The following SCFD2 variants were observed in gnomAD, a reference collection of about 807,000 sequenced individuals.
The protein encoded by SCFD2 is sec1 family domain-containing protein 2.
A neutral mutation model predicts 58.9 loss-of-function variants in SCFD2; 54 were observed. That is an observed-to-expected ratio of 0.92 (90% CI 0.74 to 1.15). The LOEUF (loss-of-function observed/expected upper bound fraction) is 1.15. SCFD2 is among the 50% of genes most tolerant of loss of function. SCFD2 has a pLI of 0.00. For missense variants in SCFD2, 805 were observed against 836.6 expected, an observed-to-expected ratio of 0.96 and a Z score of 0.47; for synonymous variants, 321 against 335.9, an observed-to-expected ratio of 0.96 and a Z score of 0.49.
At chr4:53,350,151 C>G (rs1479310393) in intron 2 of SCFD2, among the ~76,000 whole-genome samples, 1 of 152,164 alleles carries the variant, frequency 6.6e-6, no homozygotes, top group Non-Finnish European at 1.5e-5. Context: ...TTTTGCATGT[C>G]CAGCATCTGT....
At chr4:53,182,529 A>G (rs1265545670) in intron 4 of SCFD2, among the ~76,000 whole-genome samples, 2 of 152,384 alleles carry the variant, frequency 1.3e-5, no homozygotes, top group African/African-American at 2.4e-5. Flanking sequence ...CTTAAATGTT[A>G]GACCTAAAAC....
chr4:53,199,946 G>C (rs939951939), intron 4 of SCFD2, among the ~76,000 whole-genome samples: 1 of 150,644 alleles, frequency 6.6e-6, no homozygotes, highest in Non-Finnish European at 1.5e-5. Context: ...AGAAGAGCAA[G>C]AGAGAGTGAG....
chr4:52,927,379 G>T (rs987167860), intron 5 of SCFD2, among the ~76,000 whole-genome samples: 1 of 151,166 alleles, frequency 6.6e-6, no homozygotes, highest in South Asian at 2.1e-4. Flanking sequence ...TAAGATTTCC[G>T]ACATACCACA....
chr4:52,934,409 T>C (rs763663460), intron 5 of SCFD2, among the ~76,000 whole-genome samples: 2 of 152,214 alleles, frequency 1.3e-5, no homozygotes, highest in Non-Finnish European at 2.9e-5. Context: ...GGTCAATAAA[T>C]GTAACATGTG....
chr4:53,023,921 A>G (rs530399539), intron 5 of SCFD2, among the ~76,000 whole-genome samples: 1 of 152,250 alleles, frequency 6.6e-6, no homozygotes, highest in East Asian at 1.9e-4. Flanking sequence ...TCATCTCGAC[A>G]TTGAGAATGT....
chr4:52,982,777 A>G (rs1338218460), intron 5 of SCFD2, among the ~76,000 whole-genome samples: 1 of 152,226 alleles, frequency 6.6e-6, no homozygotes, highest in African/African-American at 2.4e-5. Flanking sequence ...TCTAGTGTCC[A>G]TAATTACTCA....
chr4:53,045,464 A>G (rs1398364313), intron 5 of SCFD2, among the ~76,000 whole-genome samples: 2 of 152,150 alleles, frequency 1.3e-5, no homozygotes, highest in African/African-American at 4.8e-5. Context: ...CTTAATTTTT[A>G]AAGGTTTGAA....
At chr4:52,897,843 G>C (rs1719065368) in intron 7 of SCFD2, among the ~76,000 whole-genome samples, 1 of 152,086 alleles carries the variant, frequency 6.6e-6, no homozygotes. Flanking sequence ...GCCTGTTATT[G>C]GTCTATTCAG....
intron 4 of SCFD2, among the ~76,000 whole-genome samples, chr4:53,258,005 G>A (rs1392250814): frequency 1.3e-5 from 2 of 152,154 alleles, no homozygotes; most frequent in Non-Finnish European, 1.5e-5. Flanking sequence ...TTAGGAAGTA[G>A]AAGGAAGGCT....
At chr4:52,905,537 G>T (rs930598336) in intron 7 of SCFD2, among the ~76,000 whole-genome samples, 3 of 152,202 alleles carry the variant, frequency 2.0e-5, no homozygotes, top group Non-Finnish European at 4.4e-5. Flanking sequence ...CTGAGGAATG[G>T]ATCCTGACAG....
intron 2 of SCFD2, among the ~76,000 whole-genome samples, chr4:53,327,661 T>A (rs1012742185): frequency 6.6e-6 from 1 of 152,168 alleles, no homozygotes; most frequent in Non-Finnish European, 1.5e-5. Flanking sequence ...TGACACTATA[T>A]TGGTTAAATA....
chr4:52,873,988 T>G lies in SCFD2; in HGVS notation c.2036A>C (p.His679Pro). Residue 679 changes from histidine to proline, a missense_variant, in exon 9 of 9, where the codon CAT becomes CCT. Around this residue, in one of 3 missense-constraint regions of SCFD2, gnomAD observed 633 missense variants for 646.8 expected, o/e 0.98. Transcript: ENST00000401642. The stretch of plus-strand genomic sequence containing the variant: ...GGATGCTCAGAAGCCAAGGTCTGGA[T>G]GCAGTCGGTCAGTTGCAAATAACAG... Reference protein sequence around the residue: ...PELLFATDRLHPDLGF With the variant: ...PELLFATDRLPPDLGF The G allele has an allele frequency of 6.2e-7, 1 of 1,613,986 alleles. No homozygotes were observed. Among genetic ancestry groups the G allele is most frequent in the East Asian group, 2.2e-5 (1 of 44,872 alleles).
At chr4:52,889,611 C>T (rs948220572) in intron 7 of SCFD2, among the ~76,000 whole-genome samples, 6 of 152,240 alleles carry the variant, frequency 3.9e-5, no homozygotes. Flanking sequence ...CATACCTGAA[C>T]ACCTGGTGTT....
chr4:53,312,587 T>A (rs1451359067), intron 3 of SCFD2, among the ~76,000 whole-genome samples: 6 of 152,242 alleles, frequency 3.9e-5, no homozygotes, highest in Admixed American at 3.9e-4. Context: ...TATAGTTACC[T>A]AATACACTAA....
intron 5 of SCFD2, among the ~76,000 whole-genome samples, chr4:53,118,656 A>T (rs535265073): frequency 6.6e-6 from 1 of 152,176 alleles, no homozygotes; most frequent in Non-Finnish European, 1.5e-5. Flanking sequence ...CCCACCACCC[A>T]GAGGGCGGGA....
rs1477576937 is a variant in SCFD2 at position 53,333,409 on chromosome 4, T to C, written c.1007+19189A>G. ...ACTGGTACCAAAACAGAGATATAGA[T>C]CAATGGAACAGAACAGAGCCCTCAG... On this transcript the variant is annotated intron_variant, in intron 2 of 8. Coordinates refer to ENST00000401642, the MANE Select transcript of SCFD2 (RefSeq NM_152540.4). Among the ~76,000 whole-genome samples, 21 of 130,644 alleles carry C rather than the reference T, an allele frequency of 1.6e-4. No individual in the cohort carries two copies. In the East Asian group the frequency reaches 2.1e-3, roughly 13 times the overall value. The allele number at this position is 130,644 out of a possible 152,430, so 85.7% of individuals were successfully genotyped here. A position where few individuals can be genotyped will look rare whatever the true frequency, so the allele number is the denominator to read the frequency against.
chr4:53,110,874 A>G (rs1476898630), intron 5 of SCFD2, among the ~76,000 whole-genome samples: 1 of 152,240 alleles, frequency 6.6e-6, no homozygotes, highest in Non-Finnish European at 1.5e-5. Context: ...TCTATGATAA[A>G]GACACATGCA....
At position 52,873,836 on chromosome 4, in the gene SCFD2, ACCCTT is replaced by A; in HGVS notation, c.*128_*132del. The A allele has an allele frequency of 6.2e-6, 4 of 648,386 alleles. No homozygotes were observed. The South Asian group carries it at 7.4e-5, about 12-fold the overall frequency. The allele number at this position is 648,386 out of a possible 1,614,324, so 40.2% of individuals were successfully genotyped here. Reference sequence around the variant, plus strand: ...AGTACCTCACTGAGTAGGTATCAAGACCCTTCAGGCAGAATTCCATCATTCTCGCA... The same window carrying A: ...AGTACCTCACTGAGTAGGTATCAAGACAGGCAGAATTCCATCATTCTCGCA... On this transcript the variant is annotated 3_prime_UTR_variant, in exon 9 of 9. Coordinates refer to ENST00000401642, the MANE Select transcript of SCFD2 (RefSeq NM_152540.4).
chr4:53,097,147 G>C (rs535062619), intron 5 of SCFD2, among the ~76,000 whole-genome samples: 1 of 152,108 alleles, frequency 6.6e-6, no homozygotes, highest in East Asian at 1.9e-4. Flanking sequence ...GTTAGGTAGC[G>C]TGATGCCTCC....
Sources: gnomAD v4.1 joint callset for allele counts (sites outside exome capture counted in the v4.1 genomes callset) on GRCh38, gnomAD v4.1.1 for gene constraint, gnomAD v4.1.1 regional missense constraint, MANE v1.5 for transcripts, NCBI Gene and HGNC (gene_info 2026-07-23, HGNC 2026-07-21) for gene names.